Variants in GRIA1 observed in about 807,000 individuals in gnomAD.
GRIA1 encodes the protein glutamate ionotropic receptor AMPA type subunit 1.
A neutral mutation model predicts 99.2 loss-of-function variants in GRIA1; 31 were observed. The observed-to-expected ratio is 0.31, with a 90% CI of 0.23 to 0.42. The LOEUF (loss-of-function observed/expected upper bound fraction) is 0.42, where lower values mean the gene tolerates loss of function less well. Among genes scored for constraint, GRIA1 ranks in the 10% least tolerant of loss-of-function variants. GRIA1 has a pLI of 1.00. For synonymous variants in GRIA1, 438 were observed against 432.4 expected (o/e 1.01, Z -0.16); for missense variants, 782 against 1,157.5 (o/e 0.68, Z 4.71).
chr5:153,733,798 G>C (rs1406189463), intron 11 of GRIA1, among the ~76,000 whole-genome samples: 1 of 152,120 alleles, frequency 6.6e-6, no homozygotes, highest in Non-Finnish European at 1.5e-5. Context: ...AGGGTACATT[G>C]ATCAAGAGGA....
At chr5:153,645,777 A>G (rs989417704) in intron 2 of GRIA1, among the ~76,000 whole-genome samples, 5 of 152,214 alleles carry the variant, frequency 3.3e-5, no homozygotes, top group African/African-American at 1.2e-4. Flanking sequence ...AGAGTAAAGG[A>G]TCTAAGAGCA....
chr5:153,593,970 C>T (rs1026973707), intron 2 of GRIA1, among the ~76,000 whole-genome samples: 3 of 152,180 alleles, frequency 2.0e-5, no homozygotes, highest in Non-Finnish European at 2.9e-5. Context: ...CACTCTTAAA[C>T]TTCATTGATT....
intron 1 of GRIA1, chr5:153,492,260 G>A (rs1240190143): frequency 6.5e-7 from 1 of 1,535,480 alleles, no homozygotes; most frequent in South Asian, 1.2e-5. Context: ...GAGTGGCCAT[G>A]GAGTAACTTG....
At chr5:153,680,667 G>C (rs1232894438) in intron 7 of GRIA1, among the ~76,000 whole-genome samples, 1 of 152,110 alleles carries the variant, frequency 6.6e-6, no homozygotes, top group Admixed American at 6.5e-5. Flanking sequence ...CAAGCATATG[G>C]AAGTGAAGGT....
At chr5:153,730,269 G>A (rs985722881) in intron 11 of GRIA1, among the ~76,000 whole-genome samples, 1 of 151,966 alleles carries the variant, frequency 6.6e-6, no homozygotes, top group Non-Finnish European at 1.5e-5. Flanking sequence ...AAATAACAAA[G>A]CTCAAGGCTG....
intron 11 of GRIA1, among the ~76,000 whole-genome samples, chr5:153,753,251 G>A (rs1429764415): frequency 6.6e-6 from 1 of 152,164 alleles, no homozygotes; most frequent in African/African-American, 2.4e-5. Flanking sequence ...ATTGTGTTAT[G>A]CAACAATGGA....
chr5:153,703,703 A>T (rs1407679298), intron 10 of GRIA1, among the ~76,000 whole-genome samples: 1 of 152,096 alleles, frequency 6.6e-6, no homozygotes, highest in Non-Finnish European at 1.5e-5. Context: ...ACACCACTGC[A>T]CTCCAACCTG....
chr5:153,774,334 T>C (rs531955674), intron 13 of GRIA1, among the ~76,000 whole-genome samples: 1 of 152,252 alleles, frequency 6.6e-6, no homozygotes, highest in Admixed American at 6.5e-5. Context: ...GAGGGGCTGA[T>C]ATATGCTTAA....
chr5:153,739,012 A>G (rs535767324), intron 11 of GRIA1, among the ~76,000 whole-genome samples: 1 of 150,832 alleles, frequency 6.6e-6, no homozygotes, highest in African/African-American at 2.4e-5. Context: ...GTGAGCCACC[A>G]CACCTGGCCC....
rs1425371294 is a variant in GRIA1, at chr5:153,646,925, T to C, written c.221-3T>C. The C allele has an allele frequency of 1.9e-6, 3 of 1,613,732 alleles. No homozygotes were observed. Among genetic ancestry groups the C allele is most frequent in the East Asian group, 2.2e-5 (1 of 44,874 alleles). On this transcript the variant is annotated splice_region_variant and splice_polypyrimidine_tract_variant and intron_variant, in intron 2 of 15. Transcript: ENST00000285900. The stretch of plus-strand genomic sequence containing the variant: ...ATTCATTAATCCTTCTCTTCTCTTG[T>C]AGTCTGTTCCCAGTTCTCCAAAGGA...
chr5:153,686,328 A>G lies in GRIA1; in HGVS notation c.1133A>G (p.Lys378Arg), dbSNP rs1315763240. The G allele has an allele frequency of 3.1e-6, 5 of 1,610,282 alleles. No individual in the cohort carries two copies. Among genetic ancestry groups the G allele is most frequent in the Non-Finnish European group, 4.2e-6 (5 of 1,176,688 alleles). The change falls in exon 8 of 16, where the codon AAG (lysine) becomes AGG (arginine). Residue 378 changes from lysine to arginine, a missense_variant and splice_region_variant. Around this residue, in one of 5 missense-constraint regions of GRIA1, gnomAD observed 461 missense variants for 521.7 expected, o/e 0.88. Transcript: ENST00000285900. ...GAAATGAAACATGACGGCATCCGAA[A>G]GGTAAGGTCCCCCTTTACTTCTGTT... ...VIEMKHDGIR[K>R]IGYWNEDDKF...
At chr5:153,684,036 G>A (rs1428567109) in intron 7 of GRIA1, among the ~76,000 whole-genome samples, 1 of 152,128 alleles carries the variant, frequency 6.6e-6, no homozygotes, top group Non-Finnish European at 1.5e-5. Context: ...CGAACACTTG[G>A]TACCTTAAGT....
At chr5:153,687,507 T>C (rs983045055) in intron 8 of GRIA1, among the ~76,000 whole-genome samples, 8 of 152,172 alleles carry the variant, frequency 5.3e-5, no homozygotes, top group African/African-American at 1.9e-4. Flanking sequence ...GACTTAATGC[T>C]CTCTATGCCT....
chr5:153,794,826 C>T, intron 14 of GRIA1, 91 bp downstream of exon 14: 2 of 731,568 alleles, frequency 2.7e-6, no homozygotes, highest in Admixed American at 2.6e-5. Flanking sequence ...TATCCTGCTT[C>T]CTAATACTAA....
chr5:153,717,243 C>T (rs758768149), intron 11 of GRIA1, among the ~76,000 whole-genome samples: 1 of 151,992 alleles, frequency 6.6e-6, no homozygotes, highest in Non-Finnish European at 1.5e-5. Context: ...AGTTCTTCTA[C>T]GAAAGGAAAA....
At chr5:153,714,045 G>A (rs979004001) in intron 11 of GRIA1, among the ~76,000 whole-genome samples, 1 of 152,222 alleles carries the variant, frequency 6.6e-6, no homozygotes, top group Non-Finnish European at 1.5e-5. Flanking sequence ...GATTCTGGGT[G>A]ACAGGGAGAG....
chr5:153,774,560 C>T (rs1764099608), intron 13 of GRIA1, among the ~76,000 whole-genome samples: 1 of 152,156 alleles, frequency 6.6e-6, no homozygotes, highest in Admixed American at 6.5e-5. Context: ...GGCAGATGTC[C>T]TCCAGGCTTA....
intron 11 of GRIA1, among the ~76,000 whole-genome samples, chr5:153,760,781 A>G (rs1017841392): frequency 2.0e-5 from 3 of 152,182 alleles, no homozygotes; most frequent in Non-Finnish European, 4.4e-5. Flanking sequence ...AATAGTCTAC[A>G]AAGCTATAGT....
At chr5:153,544,428 G>A (rs374768360) in intron 2 of GRIA1, among the ~76,000 whole-genome samples, 28 of 152,288 alleles carry the variant, frequency 1.8e-4, no homozygotes, top group African/African-American at 6.7e-4. Flanking sequence ...TTCCAGCTGG[G>A]AAAGACAAAG....
Sources: gnomAD v4.1 joint callset for allele counts (sites outside exome capture counted in the v4.1 genomes callset) on GRCh38, gnomAD v4.1.1 for gene constraint, gnomAD v4.1.1 regional missense constraint, MANE v1.5 for transcripts, NCBI Gene and HGNC (gene_info 2026-07-23, HGNC 2026-07-21) for gene names.